CSMD1: variants seen among roughly 807,000 people sequenced by gnomAD.
CSMD1 encodes the protein CUB and sushi domain-containing protein 1.
Under a neutral mutation model 417.5 loss-of-function variants are expected in CSMD1, and 213 were observed. The ratio of observed to expected loss-of-function variants is 0.51; its 90% CI spans 0.46 to 0.57. The LOEUF is 0.57. Among genes scored for constraint, CSMD1 ranks in the 20% least tolerant of loss-of-function variants. The pLI, the probability that CSMD1 is intolerant of heterozygous loss-of-function variation, is 0.00. For synonymous variants in CSMD1, 2,862 were observed against 1,736.8 expected, an observed-to-expected ratio of 1.65 and a Z score of -16.11; for missense variants, 6,923 against 4,529.7, an observed-to-expected ratio of 1.53 and a Z score of -15.17.
At chr8:3,156,555 G>A (rs1328298755) in intron 39 of CSMD1, among the ~76,000 whole-genome samples, 1 of 152,164 alleles carries the variant, frequency 6.6e-6, no homozygotes, top group African/African-American at 2.4e-5. Context: ...ATGACTCACT[G>A]CACCTGCAGG....
At chr8:4,984,872 T>C (rs1201759344) in intron 1 of CSMD1, among the ~76,000 whole-genome samples, 1 of 152,090 alleles carries the variant, frequency 6.6e-6, no homozygotes, top group East Asian at 1.9e-4. Flanking sequence ...AGATCTAAGA[T>C]GCTAGTGAGC....
chr8:3,884,858 G>T (rs917473930), intron 5 of CSMD1, among the ~76,000 whole-genome samples: 1 of 150,780 alleles, frequency 6.6e-6, no homozygotes, highest in Non-Finnish European at 1.5e-5. Context: ...AAAATGCCAA[G>T]GCTGAGAATT....
chr8:4,054,739 T>C (rs1431591753), intron 3 of CSMD1, among the ~76,000 whole-genome samples: 3 of 152,186 alleles, frequency 2.0e-5, no homozygotes, highest in Admixed American at 1.3e-4. Context: ...GGACATTTTG[T>C]GATGTGTCAT....
At chr8:3,954,358 C>T (rs1811788612) in intron 5 of CSMD1, among the ~76,000 whole-genome samples, 1 of 151,140 alleles carries the variant, frequency 6.6e-6, no homozygotes, top group Non-Finnish European at 1.5e-5. Context: ...TAACTGGGAT[C>T]CTAGGACTTT....
At chr8:4,752,442 AC>A in intron 1 of CSMD1, among the ~76,000 whole-genome samples, 1 of 152,296 alleles carries the variant, frequency 6.6e-6, no homozygotes, top group South Asian at 2.1e-4. Flanking sequence ...GTTTCATAAA[AC>A]CTTAGGTACT....
intron 36 of CSMD1, among the ~76,000 whole-genome samples, chr8:3,182,809 C>A (rs368128446): frequency 1.5e-5 from 1 of 68,270 alleles, no homozygotes; most frequent in Non-Finnish European, 2.9e-5. Flanking sequence ...CCAGGATGGT[C>A]TCGGGGGACT....
chr8:4,457,106 A>G (rs2129903240), intron 2 of CSMD1, among the ~76,000 whole-genome samples: 1 of 151,998 alleles, frequency 6.6e-6, no homozygotes, highest in East Asian at 1.9e-4. Flanking sequence ...ATGACTATCG[A>G]TGTGTTTCTT....
intron 5 of CSMD1, among the ~76,000 whole-genome samples, chr8:3,950,765 G>A (rs892896877): frequency 2.3e-4 from 35 of 152,106 alleles, no homozygotes; most frequent in African/African-American, 8.4e-4. Context: ...TTACCTCATC[G>A]CTAACAAACA....
At chr8:3,769,170 G>A (rs571417890) in intron 5 of CSMD1, among the ~76,000 whole-genome samples, 1 of 152,228 alleles carries the variant, frequency 6.6e-6, no homozygotes, top group Admixed American at 6.5e-5. Flanking sequence ...ATTTCCCCTT[G>A]CCATGATTTT....
chr8:4,430,762 T>C (rs1264824010), intron 2 of CSMD1, among the ~76,000 whole-genome samples: 1 of 152,194 alleles, frequency 6.6e-6, no homozygotes, highest in Non-Finnish European at 1.5e-5. Context: ...TGTATGTTTA[T>C]GACAATCAAA....
chr8:4,959,048 A>T (rs1394183255), intron 1 of CSMD1, among the ~76,000 whole-genome samples: 2 of 152,208 alleles, frequency 1.3e-5, no homozygotes, highest in East Asian at 3.8e-4. Flanking sequence ...TATATAGTAT[A>T]TGTCATCAAA....
intron 1 of CSMD1, among the ~76,000 whole-genome samples, chr8:4,700,043 G>T (rs1807419272): frequency 6.6e-6 from 1 of 152,188 alleles, no homozygotes; most frequent in South Asian, 2.1e-4. Context: ...AAAGAGCCAT[G>T]AAGGAGAAAC....
chr8:4,174,100 C>G (rs1351849762), intron 3 of CSMD1, among the ~76,000 whole-genome samples: 1 of 152,148 alleles, frequency 6.6e-6, no homozygotes, highest in African/African-American at 2.4e-5. Context: ...GGGAGACTCA[C>G]AGAGTGGAGG....
intron 26 of CSMD1, among the ~76,000 whole-genome samples, chr8:3,250,658 A>G (rs1009912161): frequency 1.3e-5 from 2 of 152,230 alleles, no homozygotes; most frequent in African/African-American, 4.8e-5. Flanking sequence ...TCATTGAACT[A>G]GTTTATGGTC....
At chr8:3,308,720 CCCTACTTA>C (rs1360843061) in intron 23 of CSMD1, among the ~76,000 whole-genome samples, 59 of 145,348 alleles carry the variant, frequency 4.1e-4, no homozygotes, top group Admixed American at 5.0e-4. Flanking sequence ...ATTTGTTCCT[CCCTACTTA>C]CAAGTTTTTT....
intron 5 of CSMD1, among the ~76,000 whole-genome samples, chr8:3,854,171 A>T (rs1320271719): frequency 7.0e-6 from 1 of 143,362 alleles, no homozygotes; most frequent in Non-Finnish European, 1.5e-5. Flanking sequence ...AAAAAAAAAA[A>T]ACACGTCTTG....
chr8:3,362,153 A>C (rs535272037), intron 20 of CSMD1, among the ~76,000 whole-genome samples: 1 of 152,208 alleles, frequency 6.6e-6, no homozygotes. Flanking sequence ...TAAACAACCA[A>C]AACCACCAAC....
intron 9 of CSMD1, among the ~76,000 whole-genome samples, chr8:3,581,849 G>A (rs1444519946): frequency 1.3e-5 from 2 of 152,044 alleles, no homozygotes; most frequent in South Asian, 4.1e-4. Flanking sequence ...TTGTCACCCA[G>A]GCTGGAGTAT....
At chr8:3,868,808 A>C (rs1328277829) in intron 5 of CSMD1, among the ~76,000 whole-genome samples, 1 of 152,206 alleles carries the variant, frequency 6.6e-6, no homozygotes, top group Non-Finnish European at 1.5e-5. Flanking sequence ...GAATCTGATC[A>C]GTCGTGTTTC....
Sources: gnomAD v4.1 joint callset for allele counts (sites outside exome capture counted in the v4.1 genomes callset) on GRCh38, gnomAD v4.1.1 for gene constraint, MANE v1.5 for transcripts, NCBI Gene and HGNC (gene_info 2026-07-23, HGNC 2026-07-21) for gene names.